IL1RAPL2: variants seen among roughly 807,000 people sequenced by gnomAD.
IL1RAPL2 encodes interleukin 1 receptor accessory protein like 2, also known as X-linked interleukin-1 receptor accessory protein-like 2.
IL1RAPL2 carries 3 observed loss-of-function variants against 44.1 expected under a neutral mutation model. The ratio of observed to expected loss-of-function variants is 0.07; its 90% CI spans 0.03 to 0.18. The LOEUF (loss-of-function observed/expected upper bound fraction) is 0.18. Among genes scored for constraint, IL1RAPL2 ranks in the 10% least tolerant of loss-of-function variants. The probability of loss-of-function intolerance (pLI) is 1.00; values close to 1 mark genes in which losing one functional copy is unlikely to be tolerated. For missense variants in IL1RAPL2, 391 were observed against 496.4 expected (o/e 0.79, Z 2.02); for synonymous variants, 181 against 178.8 (o/e 1.01, Z -0.10).
intron 6 of IL1RAPL2, among the ~76,000 whole-genome samples, chrX:105,605,102 A>G (rs756687757): frequency 3.6e-5 from 4 of 111,108 alleles, no homozygotes; most frequent in African/African-American, 1.3e-4. Context: ...ACCCAGAGCA[A>G]TTAGGCAAGA....
intron 2 of IL1RAPL2, among the ~76,000 whole-genome samples, chrX:104,717,294 A>G (rs1021809443): frequency 9.1e-6 from 1 of 110,104 alleles, no homozygotes; most frequent in Non-Finnish European, 1.9e-5. Flanking sequence ...GAGGGAGAGG[A>G]TCAGGAAAAA....
At chrX:104,885,824 A>G (rs894559481) in intron 2 of IL1RAPL2, among the ~76,000 whole-genome samples, 3 of 112,771 alleles carry the variant, frequency 2.7e-5, no homozygotes, top group Admixed American at 9.3e-5. Flanking sequence ...CCAATGAGAA[A>G]CAAGCCACCC....
chrX:105,593,699 A>G (rs747086148), intron 6 of IL1RAPL2, among the ~76,000 whole-genome samples: 5 of 110,790 alleles, frequency 4.5e-5, no homozygotes, highest in South Asian at 3.9e-4. Flanking sequence ...GGCTCAACTC[A>G]TCACTCCTGG....
At chrX:105,736,771 G>A (rs1320355119) in intron 7 of IL1RAPL2, among the ~76,000 whole-genome samples, 2 of 111,861 alleles carry the variant, frequency 1.8e-5, no homozygotes, top group Non-Finnish European at 3.8e-5. Context: ...CACTGCTGGT[G>A]GGAATGTAAA....
At chrX:104,705,399 G>A (rs1190349772) in intron 2 of IL1RAPL2, among the ~76,000 whole-genome samples, 1 of 111,382 alleles carries the variant, frequency 9.0e-6, no homozygotes, top group Non-Finnish European at 1.9e-5. Context: ...TTCATCAGGA[G>A]GTGGCTTCTC....
At chrX:105,662,361 G>T (rs2037726758) in intron 6 of IL1RAPL2, among the ~76,000 whole-genome samples, 1 of 111,701 alleles carries the variant, frequency 9.0e-6, no homozygotes, top group South Asian at 3.8e-4. Flanking sequence ...TAAAATCTTA[G>T]ATTTTTACAC....
chrX:105,471,518 T>TG (rs756186524), intron 5 of IL1RAPL2, among the ~76,000 whole-genome samples: 80 of 110,840 alleles, frequency 7.2e-4, no homozygotes, highest in Non-Finnish European at 1.4e-3. Context: ...ATAAGACAGG[T>TG]GGGGATGAGG....
At chrX:105,553,052 C>G (rs770794536) in intron 6 of IL1RAPL2, among the ~76,000 whole-genome samples, 2 of 111,880 alleles carry the variant, frequency 1.8e-5, no homozygotes, top group African/African-American at 3.2e-5. Context: ...CTAGAATTTC[C>G]TAGTAGATTT....
intron 7 of IL1RAPL2, among the ~76,000 whole-genome samples, chrX:105,721,068 G>A (rs1359818036): frequency 9.0e-6 from 1 of 111,340 alleles, no homozygotes; most frequent in Non-Finnish European, 1.9e-5. Flanking sequence ...CCATCAACAG[G>A]TGAATAGATG....
chrX:104,818,254 G>A (rs939622412), intron 2 of IL1RAPL2, among the ~76,000 whole-genome samples: 11 of 101,678 alleles, frequency 1.1e-4, no homozygotes, highest in Non-Finnish European at 1.8e-4. Context: ...TGAGGCAGGA[G>A]AATGGAGTGA....
At chrX:104,609,598 T>C (rs1426413887) in intron 1 of IL1RAPL2, among the ~76,000 whole-genome samples, 1 of 112,027 alleles carries the variant, frequency 8.9e-6, no homozygotes, top group East Asian at 2.8e-4. Context: ...TTTCATTAAG[T>C]TGATCTTCAA....
chrX:105,560,833 T>A (rs982696846), intron 6 of IL1RAPL2, among the ~76,000 whole-genome samples: 1 of 109,615 alleles, frequency 9.1e-6, no homozygotes, highest in African/African-American at 3.3e-5. Flanking sequence ...TATATATATA[T>A]AATACATATA....
At chrX:105,715,238 T>C (rs1263802607) in intron 6 of IL1RAPL2, among the ~76,000 whole-genome samples, 1 of 112,419 alleles carries the variant, frequency 8.9e-6, no homozygotes, top group Non-Finnish European at 1.9e-5. Flanking sequence ...CTATCCATTC[T>C]TCTTTTTATC....
At chrX:105,167,888 T>C (rs147516620) in intron 2 of IL1RAPL2, among the ~76,000 whole-genome samples, 64 of 111,434 alleles carry the variant, frequency 5.7e-4, no homozygotes, top group African/African-American at 2.0e-3. Flanking sequence ...CATTCTGTAA[T>C]GACCCATGAG....
chrX:104,716,985 A>G (rs976815459), intron 2 of IL1RAPL2, among the ~76,000 whole-genome samples: 2 of 111,975 alleles, frequency 1.8e-5, no homozygotes, highest in African/African-American at 6.5e-5. Flanking sequence ...TGTTCATTTC[A>G]TCACTATTCA....
At chrX:104,632,516 C>A (rs1230220757) in intron 1 of IL1RAPL2, among the ~76,000 whole-genome samples, 2 of 109,637 alleles carry the variant, frequency 1.8e-5, no homozygotes, top group Non-Finnish European at 3.8e-5. Context: ...CTTTTATTTC[C>A]TTGAGCAGTG....
At chrX:105,062,995 G>T (rs764349849) in intron 2 of IL1RAPL2, among the ~76,000 whole-genome samples, 3 of 111,462 alleles carry the variant, frequency 2.7e-5, no homozygotes, top group South Asian at 7.5e-4. Context: ...TTGGGAAGTT[G>T]TCTGTTATCC....
chrX:105,282,232 C>T (rs917286011), intron 5 of IL1RAPL2, among the ~76,000 whole-genome samples: 2 of 111,783 alleles, frequency 1.8e-5, no homozygotes, highest in African/African-American at 6.5e-5. Context: ...GAAATGAGTC[C>T]GGAGGACAAG....
intron 2 of IL1RAPL2, among the ~76,000 whole-genome samples, chrX:104,661,494 A>G (rs1930399835): frequency 9.0e-6 from 1 of 111,239 alleles, no homozygotes; most frequent in Non-Finnish European, 1.9e-5. Context: ...GGGATGAATA[A>G]AAGACATCTT....
Sources: allele counts gnomAD v4.1 joint callset (sites outside exome capture counted in the v4.1 genomes callset), GRCh38; gene constraint gnomAD v4.1.1; transcripts MANE v1.5; gene names NCBI Gene and HGNC (gene_info 2026-07-23, HGNC 2026-07-21).